KDM2B: variants seen among roughly 807,000 people sequenced by gnomAD.
KDM2B encodes the protein lysine-specific demethylase 2B.
A neutral mutation model predicts 150.0 loss-of-function variants in KDM2B; 26 were observed. The observed-to-expected ratio is 0.17, with a 90% CI of 0.13 to 0.24. The LOEUF (loss-of-function observed/expected upper bound fraction) is 0.24. Among genes scored for constraint, KDM2B ranks in the 10% least tolerant of loss-of-function variants. KDM2B has a pLI of 1.00. For missense variants in KDM2B, 1,265 were observed against 1,816.9 expected (o/e 0.70, Z 5.52); for synonymous variants, 734 against 729.5 (o/e 1.01, Z -0.10).
intron 6 of KDM2B, among the ~76,000 whole-genome samples, chr12:121,539,729 T>G (rs1555309434): frequency 1.3e-5 from 2 of 151,894 alleles, no homozygotes; most frequent in Admixed American, 6.6e-5. Flanking sequence ...CCTAATGTGT[T>G]TGTTTGTTTG....
chr12:121,441,509 TCAC>T (rs1875040653), intron 19 of KDM2B, among the ~76,000 whole-genome samples: 1 of 152,148 alleles, frequency 6.6e-6, no homozygotes, highest in South Asian at 2.1e-4. Context: ...CAATCTCTGC[TCAC>T]CACAACCTCC....
In KDM2B at chr12:121,439,912, C is replaced by G. The variant is rs1874690925; in HGVS notation, c.3774G>C (p.Leu1258=). The G allele has an allele frequency of 6.2e-7, 1 of 1,614,064 alleles. No individual in the cohort carries two copies. Among genetic ancestry groups the G allele is most frequent in the Non-Finnish European group, 8.5e-7 (1 of 1,180,038 alleles). ...GGGTGGTGGTGCCAACAGCAGTGAG[C>G]AGGTTGATAGACTGGTCGGTGACGT... ...CNHVTDQSIN[L]LTAVGTTTRD... The change falls in exon 22 of 23, where the codon CTG becomes CTC. Residue 1258 remains leucine, a synonymous_variant. Coordinates refer to ENST00000377071, the MANE Select transcript of KDM2B (RefSeq NM_032590.5).
intron 12 of KDM2B, among the ~76,000 whole-genome samples, chr12:121,464,990 C>T (rs782598225): frequency 1.3e-5 from 2 of 152,120 alleles, no homozygotes; most frequent in Non-Finnish European, 2.9e-5. Flanking sequence ...CTACGGGGTA[C>T]CTTAGCTGAC....
intron 22 of KDM2B, chr12:121,433,107 G>C (rs975353489): frequency 2.2e-6 from 1 of 455,946 alleles, no homozygotes; most frequent in Non-Finnish European, 4.4e-6. Flanking sequence ...ACTAATTTGG[G>C]CCCTCTTTGG....
the KDM2B span, among the ~76,000 whole-genome samples, chr12:121,410,549 A>ACC: frequency 5.9e-5 from 9 of 152,094 alleles, no homozygotes; most frequent in African/African-American, 1.9e-4. Context: ...AACCACCAAA[A>ACC]AAAAAAAAAT....
intron 6 of KDM2B, among the ~76,000 whole-genome samples, chr12:121,540,647 G>A (rs113475543): frequency 0.036 from 5,525 of 151,572 alleles, 323 homozygotes; most frequent in African/African-American, 0.13. Context: ...CAGCTAAATC[G>A]GGAGGCTGAG....
chr12:121,546,560 G>T (rs371874997), intron 6 of KDM2B, among the ~76,000 whole-genome samples: 2,287 of 146,076 alleles, frequency 0.016, 52 homozygotes, highest in African/African-American at 0.05. Context: ...TTTTTTTTTG[G>T]TTTTTTTTTT....
intron 11 of KDM2B, among the ~76,000 whole-genome samples, chr12:121,504,314 G>A (rs1326120358): frequency 5.3e-5 from 8 of 152,010 alleles, no homozygotes; most frequent in Non-Finnish European, 8.8e-5. Context: ...CTCCTGCCTC[G>A]GTCTCCCAAA....
chr12:121,523,321 C>T (rs1403576853), intron 8 of KDM2B, among the ~76,000 whole-genome samples: 1 of 152,266 alleles, frequency 6.6e-6, no homozygotes, highest in East Asian at 1.9e-4. Context: ...CGGACAGAGG[C>T]GGAGCAACTC....
chr12:121,470,286 G>A (rs187960227), intron 12 of KDM2B: 12 of 152,236 alleles, frequency 7.9e-5, no homozygotes, highest in African/African-American at 2.9e-4. Context: ...CTCAAAGAGC[G>A]GAAAGGAAAA....
rs1223476059 is a variant in KDM2B at position 121,452,600 on chromosome 12, G to C, written c.1959+520C>G. ...AAACCCCGCGACCTCGCCCCGTTGC[G>C]AAGTCCATGTCCACTGCCCTGTCTG... On this transcript the variant is annotated intron_variant, in intron 13 of 22. Transcript: ENST00000377071. This position sits in a 1 kb window ranked among gnomAD's most constrained non-coding sequence, Gnocchi z 4.4. Among the ~76,000 whole-genome samples, 1 of 152,274 alleles carries C rather than the reference G, an allele frequency of 6.6e-6. No homozygotes were observed. Among genetic ancestry groups the C allele is most frequent in the African/African-American group, 2.4e-5 (1 of 41,482 alleles).
intron 6 of KDM2B, among the ~76,000 whole-genome samples, chr12:121,539,618 T>C (rs1163414340): frequency 1.3e-5 from 2 of 152,060 alleles, no homozygotes; most frequent in Non-Finnish European, 2.9e-5. Flanking sequence ...AACTGGTGTC[T>C]TCGTGGGTCA....
At chr12:121,464,570 G>A (rs373197610) in intron 12 of KDM2B, among the ~76,000 whole-genome samples, 146 of 152,350 alleles carry the variant, frequency 9.6e-4, no homozygotes, top group African/African-American at 3.4e-3. Context: ...ACACAGGCTC[G>A]GAAGGTGGAG....
At chr12:121,416,200 G>C in the KDM2B span, 7 of 1,614,004 alleles carry the variant, frequency 4.3e-6, no homozygotes, top group Non-Finnish European at 5.9e-6. Flanking sequence ...GTGGGCTGCT[G>C]AATGAAGTCA....
the KDM2B span, chr12:121,418,369 A>G: frequency 2.2e-4 from 35 of 158,932 alleles, no homozygotes; most frequent in Non-Finnish European, 2.8e-4. Flanking sequence ...TGAATTAGTG[A>G]AAAAATGTAG....
intron 4 of KDM2B, among the ~76,000 whole-genome samples, chr12:121,570,836 G>A (rs1015449676): frequency 5.3e-5 from 8 of 152,166 alleles, no homozygotes; most frequent in African/African-American, 1.9e-4. Flanking sequence ...CAAGATAAGT[G>A]AAGATGCATG....
chr12:121,512,769 C>T (rs1011095948), intron 10 of KDM2B, among the ~76,000 whole-genome samples: 2 of 152,192 alleles, frequency 1.3e-5, no homozygotes, highest in African/African-American at 4.8e-5. Flanking sequence ...GGCGCTGCAG[C>T]GGCTCCAAAC....
chr12:121,562,741 A>T (rs1555314039), intron 4 of KDM2B, among the ~76,000 whole-genome samples: 1 of 151,854 alleles, frequency 6.6e-6, no homozygotes, highest in Non-Finnish European at 1.5e-5. Flanking sequence ...GGCTTTGAAG[A>T]CACCCAGGGC....
At chr12:121,437,695 T>C (rs1874236130) in intron 22 of KDM2B, among the ~76,000 whole-genome samples, 1 of 152,190 alleles carries the variant, frequency 6.6e-6, no homozygotes, top group African/African-American at 2.4e-5. Flanking sequence ...CACGATGGAA[T>C]TCGGCCAGAA....
Sources: gnomAD v4.1 joint callset for allele counts (sites outside exome capture counted in the v4.1 genomes callset) on GRCh38, gnomAD v4.1.1 for gene constraint, Gnocchi (gnomAD v3.1) non-coding constraint, MANE v1.5 for transcripts, NCBI Gene and HGNC (gene_info 2026-07-23, HGNC 2026-07-21) for gene names.